Variants in TCF7L2 observed in about 807,000 individuals in gnomAD.
The protein encoded by TCF7L2 is transcription factor 7 like 2, also known as transcription factor 7-like 2.
A neutral mutation model predicts 77.9 loss-of-function variants in TCF7L2; 23 were observed. The ratio of observed to expected loss-of-function variants is 0.30; its 90% CI spans 0.21 to 0.42. The LOEUF is 0.42. Ranked by LOEUF, TCF7L2 falls within the 10% of genes least tolerant of loss-of-function variation. The pLI, the probability that TCF7L2 is intolerant of heterozygous loss-of-function variation, is 1.00. For synonymous variants in TCF7L2, 413 were observed against 340.2 expected (o/e 1.21, Z -2.36); for missense variants, 654 against 793.1 (o/e 0.82, Z 2.11).
At chr10:112,983,120 G>C in intron 4 of TCF7L2, among the ~76,000 whole-genome samples, 1 of 151,276 alleles carries the variant, frequency 6.6e-6, no homozygotes, top group African/African-American at 2.4e-5. Flanking sequence ...CTCTGTTTTT[G>C]TTTTTTGTTT....
At chr10:112,984,373 G>A (rs1299899739) in intron 4 of TCF7L2, among the ~76,000 whole-genome samples, 1 of 152,108 alleles carries the variant, frequency 6.6e-6, no homozygotes, top group Non-Finnish European at 1.5e-5. Context: ...GCTGCGGAAG[G>A]CCTGTTTTCC....
intron 4 of TCF7L2, among the ~76,000 whole-genome samples, chr10:112,979,748 C>T (rs1309133394): frequency 2.0e-5 from 3 of 148,650 alleles, no homozygotes; most frequent in Admixed American, 6.9e-5. Context: ...GGAGCAAGAC[C>T]CTGTCTCAAA....
intron 4 of TCF7L2, among the ~76,000 whole-genome samples, chr10:113,021,207 C>A (rs2048221555): frequency 1.3e-5 from 2 of 152,226 alleles, no homozygotes; most frequent in Admixed American, 1.3e-4. Flanking sequence ...GTTGCCTGAG[C>A]TCTTTTCCAG....
At chr10:113,133,001 T>C (rs1483928504) in intron 5 of TCF7L2, 1 of 152,202 alleles carries the variant, frequency 6.6e-6, no homozygotes, top group East Asian at 1.9e-4. Context: ...GGGGCGAGCC[T>C]GGACCGGGTG....
rs2137153620 is a variant in TCF7L2, at chr10:113,151,808, A to G, written c.1085A>G (p.Lys362Arg). 6.2e-7 allele frequency: 1 copy of G among 1,613,770 alleles called. No homozygotes were observed. The highest frequency in any genetic ancestry group is 8.5e-7 in the Non-Finnish European group (1 of 1,179,930). ...CTTAATGCATTCATGTTGTATATGAAGGAAATGAGAGCAAAGGTCGTAGCT... is the reference window on the plus strand; with the variant it reads ...CTTAATGCATTCATGTTGTATATGAGGGAAATGAGAGCAAAGGTCGTAGCT... The change falls in exon 10 of 14, where the codon AAG becomes AGG. Residue 362 changes from lysine (K) to arginine (R), a missense_variant. Lys to Arg is a conservative substitution (Grantham distance 26). Coordinates refer to ENST00000627217, the MANE Select transcript of TCF7L2 (RefSeq NM_001146274.2). This position sits in a 1 kb window ranked among gnomAD's most constrained non-coding sequence, Gnocchi z 5.2.
intron 8 of TCF7L2, among the ~76,000 whole-genome samples, chr10:113,149,281 G>A (rs2070219085): frequency 6.6e-6 from 1 of 152,222 alleles, no homozygotes; most frequent in Non-Finnish European, 1.5e-5. Flanking sequence ...GATGAAGGTT[G>A]TTAGCATGTT....
chr10:113,026,255 G>A (rs145527827), intron 4 of TCF7L2, among the ~76,000 whole-genome samples: 2,348 of 152,006 alleles, frequency 0.015, 66 homozygotes, highest in African/African-American at 0.053. Context: ...AGGTTCAAGC[G>A]ATTCTCCTGC....
chr10:113,134,371 G>A (rs2067082718), intron 5 of TCF7L2, among the ~76,000 whole-genome samples: 1 of 152,216 alleles, frequency 6.6e-6, no homozygotes, highest in South Asian at 2.1e-4. Context: ...GTTGGGATGG[G>A]ACTGTCCATG....
chr10:113,056,516 C>G (rs980403958), intron 5 of TCF7L2, among the ~76,000 whole-genome samples: 1 of 152,148 alleles, frequency 6.6e-6, no homozygotes, highest in Non-Finnish European at 1.5e-5. Context: ...CGTTAAAAGC[C>G]CAAATAATTG....
chr10:112,950,463 T>A lies in TCF7L2; in HGVS notation c.-294T>A, dbSNP rs1384598245. ...TTGTTGTTGGTGTTTTTTTTTTTTT[T>A]ACCCCCCTTTTTTATTTATTATTTT... is the stretch of plus-strand genomic sequence containing the variant. On this transcript the variant is annotated 5_prime_UTR_variant, in exon 1 of 14. Coordinates refer to ENST00000627217, the MANE Select transcript of TCF7L2 (RefSeq NM_001146274.2). 2.9e-5 allele frequency: 8 copies of A among 272,102 alleles called. No individual in the cohort carries two copies. The East Asian group carries it at 3.2e-4, about 11-fold the overall frequency. The allele number at this position is 272,102 out of a possible 1,614,324, so 16.9% of individuals were successfully genotyped here. A position where few individuals can be genotyped will look rare whatever the true frequency, so the allele number is the denominator to read the frequency against.
intron 3 of TCF7L2, among the ~76,000 whole-genome samples, chr10:112,962,862 G>A (rs11196170): frequency 0.38 from 57,999 of 152,042 alleles, 14,960 homozygotes; most frequent in African/African-American, 0.72. Flanking sequence ...GCCCCCCAAA[G>A]TGCTGGGATT....
intron 3 of TCF7L2, among the ~76,000 whole-genome samples, chr10:112,954,729 T>G (rs2094407): frequency 0.37 from 56,594 of 152,112 alleles, 11,996 homozygotes; most frequent in African/African-American, 0.59. Context: ...CCTGGCAAAG[T>G]GGAAATAGGA....
intron 4 of TCF7L2, among the ~76,000 whole-genome samples, 189 bp downstream of exon 4, chr10:112,964,813 G>GGTAGTGGTGATGGTGGTGGTGGTGGTGGT (rs1564719445): frequency 1.0e-5 from 1 of 98,410 alleles, no homozygotes; most frequent in Non-Finnish European, 1.8e-5. Context: ...TGGTGGTGGT[G>GGTAGTGGTGATGGTGGTGGTGGTGGTGGT]GGGGGGGGTT....
chr10:113,151,321 G>A lies in TCF7L2; in HGVS notation c.1001+198G>A, dbSNP rs981294483. On this transcript the variant is annotated intron_variant, in intron 9 of 13. Transcript: ENST00000627217. This position sits in a 1 kb window ranked among gnomAD's most constrained non-coding sequence, Gnocchi z 5.2. ...TGGCAGAATCTCACTGTACCACCGT[G>A]GGTTAGAACAGAACTGTTTTTTGTG... Among the ~76,000 whole-genome samples, 4 of 152,078 alleles carry A rather than the reference G, an allele frequency of 2.6e-5. No homozygotes were observed. Among genetic ancestry groups the A allele is most frequent in the African/African-American group, 4.8e-5 (2 of 41,394 alleles).
intron 12 of TCF7L2, 148 bp downstream of exon 14, chr10:113,160,140 T>C (rs377519586): frequency 1.4e-6 from 1 of 689,842 alleles, no homozygotes; most frequent in Non-Finnish European, 2.4e-6. Context: ...ATGGGTTCTA[T>C]GAGGGATGTG....
rs151291532 is a variant in TCF7L2 at position 113,121,754 on chromosome 10, C to T, written c.553-19430C>T. Among the ~76,000 whole-genome samples, 604 of 148,146 alleles carry T rather than the reference C, an allele frequency of 4.1e-3. 4 individuals carry two copies. Among genetic ancestry groups the T allele is most frequent in the African/African-American group, 0.015 (582 of 39,282 alleles). Reference sequence around the variant, plus strand: ...CACACATACACACAACACACACACACGTGCACGCACACATACACACAACAC... The same window carrying T: ...CACACATACACACAACACACACACATGTGCACGCACACATACACACAACAC... On this transcript the variant is annotated intron_variant, in intron 5 of 13. Coordinates refer to ENST00000627217, the MANE Select transcript of TCF7L2 (RefSeq NM_001146274.2).
intron 5 of TCF7L2, among the ~76,000 whole-genome samples, chr10:113,139,958 C>T (rs1271612917): frequency 1.3e-5 from 2 of 152,172 alleles, no homozygotes; most frequent in Non-Finnish European, 2.9e-5. Context: ...GATGTTAATG[C>T]AAGTTGTGCC....
chr10:112,979,484 C>T lies in TCF7L2; in HGVS notation c.450+14860C>T, dbSNP rs568583517. 6.6e-5 allele frequency among the ~76,000 whole-genome samples: 10 copies of T among 152,218 alleles called. No homozygotes were observed. The East Asian group carries it at 1.4e-3, about 21-fold the overall frequency. On this transcript the variant is annotated intron_variant, in intron 4 of 13. Transcript: ENST00000627217. ...TAAAAGAATGACAATAGACTGGGTGCGGTGGCTCATGCCTGTAATTCCAGC... is the reference window on the plus strand; with the variant it reads ...TAAAAGAATGACAATAGACTGGGTGTGGTGGCTCATGCCTGTAATTCCAGC...
chr10:112,965,074 G>A (rs576107194), intron 4 of TCF7L2, among the ~76,000 whole-genome samples: 10 of 152,152 alleles, frequency 6.6e-5, no homozygotes, highest in Middle Eastern at 6.8e-3. Context: ...AGAGGAGGCC[G>A]TGCAACAGCC....
Sources: allele counts gnomAD v4.1 joint callset (sites outside exome capture counted in the v4.1 genomes callset), GRCh38; gene constraint gnomAD v4.1.1; non-coding constraint Gnocchi (gnomAD v3.1); transcripts MANE v1.5; gene names NCBI Gene and HGNC (gene_info 2026-07-23, HGNC 2026-07-21).